Variants in RAD51B observed in about 807,000 individuals in gnomAD.
RAD51B encodes DNA repair protein RAD51 homolog 2.
Under a neutral mutation model 42.2 loss-of-function variants are expected in RAD51B, and 38 were observed. The observed-to-expected ratio is 0.90, with a 90% CI of 0.70 to 1.18. The LOEUF (loss-of-function observed/expected upper bound fraction) is 1.18. Among genes scored for constraint, RAD51B ranks in the 50% most tolerant of loss-of-function variants. The probability of loss-of-function intolerance (pLI) is 0.00; values close to 1 mark genes in which losing one functional copy is unlikely to be tolerated. For synonymous variants in RAD51B, 154 were observed against 145.2 expected, an observed-to-expected ratio of 1.06 and a Z score of -0.43; for missense variants, 373 against 400.7, an observed-to-expected ratio of 0.93 and a Z score of 0.59.
At chr14:68,301,398 C>T (rs994978315) in intron 8 of RAD51B, among the ~76,000 whole-genome samples, 2 of 152,124 alleles carry the variant, frequency 1.3e-5, no homozygotes, top group South Asian at 2.1e-4. Flanking sequence ...AAACAACAGT[C>T]GATAAGTGGC....
At chr14:68,052,464 G>A (rs957895886) in intron 7 of RAD51B, among the ~76,000 whole-genome samples, 2 of 151,704 alleles carry the variant, frequency 1.3e-5, no homozygotes, top group African/African-American at 4.8e-5. Context: ...ATAGAGCCCT[G>A]GAGTTGGTCC....
At chr14:68,138,054 A>G (rs942258474) in intron 7 of RAD51B, among the ~76,000 whole-genome samples, 1 of 152,186 alleles carries the variant, frequency 6.6e-6, no homozygotes, top group Non-Finnish European at 1.5e-5. Context: ...TCATCCAGCC[A>G]TAGTCTGGGC....
chr14:68,260,320 GAGA>G (rs2080862439), intron 7 of RAD51B, among the ~76,000 whole-genome samples: 1 of 15,008 alleles, frequency 6.7e-5, no homozygotes, highest in African/African-American at 6.6e-4. Context: ...TGTGTGTGTG[GAGA>G]GGGGAAGACA....
intron 7 of RAD51B, among the ~76,000 whole-genome samples, chr14:68,126,967 A>G (rs1202141663): frequency 1.3e-5 from 2 of 152,220 alleles, no homozygotes; most frequent in Non-Finnish European, 2.9e-5. Context: ...CTGCTGGTAT[A>G]CATAGAACCT....
At chr14:68,064,582 T>C (rs1371339298) in intron 7 of RAD51B, among the ~76,000 whole-genome samples, 1 of 152,064 alleles carries the variant, frequency 6.6e-6, no homozygotes, top group Non-Finnish European at 1.5e-5. Flanking sequence ...ATTCTCATAG[T>C]ATTAATATTT....
intron 7 of RAD51B, among the ~76,000 whole-genome samples, chr14:68,167,428 C>A (rs900495263): frequency 1.3e-5 from 2 of 152,088 alleles, no homozygotes; most frequent in African/African-American, 4.8e-5. Flanking sequence ...ACCTATAGCA[C>A]GTATTTTGTG....
At chr14:68,211,118 G>A (rs919417625) in intron 7 of RAD51B, among the ~76,000 whole-genome samples, 7 of 152,148 alleles carry the variant, frequency 4.6e-5, no homozygotes, top group Non-Finnish European at 1.0e-4. Context: ...CTAATGTGCT[G>A]TGGTCAGAAC....
chr14:68,559,120 CAT>C (rs532902022), intron 10 of RAD51B, among the ~76,000 whole-genome samples: 8 of 149,506 alleles, frequency 5.4e-5, no homozygotes, highest in African/African-American at 7.4e-5. Flanking sequence ...TATATGTGTG[CAT>C]ATATATATAT....
chr14:67,938,076 A>G (rs1433251838), intron 7 of RAD51B, among the ~76,000 whole-genome samples: 1 of 152,196 alleles, frequency 6.6e-6, no homozygotes, highest in East Asian at 1.9e-4. Flanking sequence ...GAAGCCTGGC[A>G]TGTGCTCCAG....
intron 7 of RAD51B, chr14:68,236,355 AG>A (rs1333679352): frequency 1.3e-5 from 2 of 152,194 alleles, no homozygotes; most frequent in Non-Finnish European, 2.9e-5. Context: ...AAACTGGGCA[AG>A]TTCAACCCTC....
intron 7 of RAD51B, among the ~76,000 whole-genome samples, chr14:67,972,686 C>T (rs995337839): frequency 6.6e-6 from 1 of 151,974 alleles, no homozygotes; most frequent in Admixed American, 6.6e-5. Flanking sequence ...GTCTGCTTAA[C>T]CTGTAATTAT....
chr14:67,962,102 A>G (rs554689069), intron 7 of RAD51B, among the ~76,000 whole-genome samples: 3 of 152,338 alleles, frequency 2.0e-5, no homozygotes, highest in Non-Finnish European at 4.4e-5. Context: ...TAGAACTAGT[A>G]TGGAATACAA....
At chr14:67,841,859 C>G (rs2041441170) in intron 4 of RAD51B, among the ~76,000 whole-genome samples, 1 of 152,108 alleles carries the variant, frequency 6.6e-6, no homozygotes, top group Non-Finnish European at 1.5e-5. Flanking sequence ...GCTTTGTTCT[C>G]TTTGCTTAGG....
chr14:68,428,661 A>T (rs1218547889), intron 9 of RAD51B, among the ~76,000 whole-genome samples: 1 of 144,432 alleles, frequency 6.9e-6, no homozygotes, highest in Non-Finnish European at 1.5e-5. Context: ...GTCACCTAGC[A>T]TAATGTCCCC....
chr14:67,837,634 C>CAA (rs142696153), intron 4 of RAD51B, among the ~76,000 whole-genome samples: 56,206 of 151,444 alleles, frequency 0.37, 11,092 homozygotes, highest in African/African-American at 0.5. Flanking sequence ...TATCCTCAAA[C>CAA]AGAGTTTTTT....
intron 7 of RAD51B, among the ~76,000 whole-genome samples, chr14:68,234,555 G>A (rs2140988593): frequency 6.6e-6 from 1 of 152,292 alleles, no homozygotes; most frequent in South Asian, 2.1e-4. Flanking sequence ...CAGCAAACCT[G>A]TAGAGCATGT....
intron 7 of RAD51B, among the ~76,000 whole-genome samples, chr14:68,115,914 A>G (rs2077539004): frequency 6.6e-6 from 1 of 151,864 alleles, no homozygotes; most frequent in African/African-American, 2.4e-5. Flanking sequence ...TACCCTTCCT[A>G]CAAACTGCAT....
At chr14:68,238,525 A>C (rs1460779699) in intron 7 of RAD51B, among the ~76,000 whole-genome samples, 2 of 152,128 alleles carry the variant, frequency 1.3e-5, no homozygotes, top group Non-Finnish European at 2.9e-5. Flanking sequence ...GGCTGATCTC[A>C]AATTCCTGCC....
intron 7 of RAD51B, among the ~76,000 whole-genome samples, chr14:68,018,756 C>T (rs1409170297): frequency 6.6e-6 from 1 of 152,084 alleles, no homozygotes; most frequent in South Asian, 2.1e-4. Context: ...GTAGCAAAAC[C>T]TTTTAAATTA....
Sources: gnomAD v4.1 joint callset for allele counts (sites outside exome capture counted in the v4.1 genomes callset) on GRCh38, gnomAD v4.1.1 for gene constraint, MANE v1.5 for transcripts, NCBI Gene and HGNC (gene_info 2026-07-23, HGNC 2026-07-21) for gene names.